The following CDKN2B-AS1 variants were observed in gnomAD, a reference collection of about 807,000 sequenced individuals.
CDKN2B-AS1 encodes CDKN2B antisense RNA 1 (non-protein coding).
intron 4 of CDKN2B-AS1, among the ~76,000 whole-genome samples, chr9:22,066,956 A>G (rs978523968): frequency 6.6e-6 from 1 of 152,146 alleles, no homozygotes; most frequent in Non-Finnish European, 1.5e-5. Flanking sequence ...TGAGCAAACT[A>G]TCGCAAGGAC....
chr9:22,101,001 A>T (rs947107526), intron 4 of CDKN2B-AS1, among the ~76,000 whole-genome samples: 4 of 152,096 alleles, frequency 2.6e-5, no homozygotes, highest in African/African-American at 9.6e-5. Flanking sequence ...TGGGTTGTTT[A>T]CCTCCCTATT....
intron 1 of CDKN2B-AS1, among the ~76,000 whole-genome samples, chr9:22,040,271 G>A (rs1490134838): frequency 6.6e-6 from 1 of 152,010 alleles, no homozygotes; most frequent in Non-Finnish European, 1.5e-5. Flanking sequence ...ATTCTATGGT[G>A]TAGATATTAG....
chr9:22,015,755 A>G (rs1821725086), intron 1 of CDKN2B-AS1, among the ~76,000 whole-genome samples: 1 of 152,216 alleles, frequency 6.6e-6, no homozygotes, highest in Non-Finnish European at 1.5e-5. Flanking sequence ...ATCATCTACC[A>G]TTAGTTTCCT....
At chr9:22,121,152 T>A (rs1434791903) in intron 4 of CDKN2B-AS1, 2 of 152,044 alleles carry the variant, frequency 1.3e-5, no homozygotes, top group East Asian at 1.9e-4. Context: ...TAATCACTAA[T>A]GTTTTAAAGA....
chr9:22,064,527 A>G lies in CDKN2B-AS1; in HGVS notation n.438+8140A>G, dbSNP rs573757058. On this transcript the variant is annotated intron_variant and non_coding_transcript_variant, in intron 4 of 4. Transcript: ENST00000650946. ...AGGGGAGGCAAATTGACTTTCTTTC[A>G]GCATATGAGGATTATAGGAATGGAA... Among the ~76,000 whole-genome samples the G allele has an allele frequency of 9.8e-4, 149 of 152,342 alleles. 3 individuals are homozygous for G. The highest frequency in any genetic ancestry group is 3.6e-3 in the African/African-American group (148 of 41,580).
chr9:22,049,531 C>T (rs1823250948), intron 3 of CDKN2B-AS1, among the ~76,000 whole-genome samples: 1 of 152,186 alleles, frequency 6.6e-6, no homozygotes. Context: ...TCTGCTCTTA[C>T]ACAAGGGGCC....
At chr9:22,066,141 C>G (rs1454999369) in intron 4 of CDKN2B-AS1, 4 of 152,074 alleles carry the variant, frequency 2.6e-5, no homozygotes, top group African/African-American at 9.7e-5. Context: ...TTTTACATGT[C>G]TAGAGTGAGG....
chr9:22,008,899 C>T lies in CDKN2B-AS1; in HGVS notation n.29+13738C>T, dbSNP rs1042713073. ...ACTAGTCCCCGCGCCGCGGCGCTGG[C>T]CAGACCCTCATCGCTGCCGCCCCCA... is the stretch of plus-strand genomic sequence containing the variant. On this transcript the variant is annotated intron_variant and non_coding_transcript_variant, in intron 1 of 4. Transcript: ENST00000650946. The T allele has an allele frequency of 1.9e-6, 3 of 1,612,752 alleles. No homozygotes were observed. In the Admixed American group the frequency reaches 5.0e-5, roughly 27 times the overall value.
chr9:22,108,428 G>A (rs1449171723), intron 4 of CDKN2B-AS1, among the ~76,000 whole-genome samples: 2 of 152,136 alleles, frequency 1.3e-5, no homozygotes, highest in Non-Finnish European at 2.9e-5. Flanking sequence ...GTTCAGGGTG[G>A]TATGGCCATA....
chr9:22,028,947 C>A (rs1822353691), intron 1 of CDKN2B-AS1, among the ~76,000 whole-genome samples: 1 of 152,000 alleles, frequency 6.6e-6, no homozygotes, highest in African/African-American at 2.4e-5. Context: ...TGGTATAATA[C>A]AATTTAGCAT....
chr9:22,033,167 C>T (rs1445976191), intron 1 of CDKN2B-AS1, among the ~76,000 whole-genome samples: 1 of 152,066 alleles, frequency 6.6e-6, no homozygotes, highest in Non-Finnish European at 1.5e-5. Flanking sequence ...CCAGAGCACC[C>T]CCCACCCACC....
intron 4 of CDKN2B-AS1, among the ~76,000 whole-genome samples, chr9:22,089,183 ATAATAGT>A (rs1824973652): frequency 6.6e-6 from 1 of 152,216 alleles, no homozygotes; most frequent in South Asian, 2.1e-4. Flanking sequence ...ATTTCAAAAG[ATAATAGT>A]TAAAAATTCA....
chr9:22,055,613 C>A (rs987381201), intron 3 of CDKN2B-AS1, among the ~76,000 whole-genome samples: 1 of 152,060 alleles, frequency 6.6e-6, no homozygotes, highest in Non-Finnish European at 1.5e-5. Flanking sequence ...CCTTGGTTTT[C>A]TGTGATTGAT....
At chr9:22,072,302 G>A (rs9632884) in intron 4 of CDKN2B-AS1, among the ~76,000 whole-genome samples, 2 of 152,074 alleles carry the variant, frequency 1.3e-5, no homozygotes, top group Admixed American at 6.5e-5. Context: ...TTTGATTCAC[G>A]AAAGTAAGTT....
intron 4 of CDKN2B-AS1, among the ~76,000 whole-genome samples, chr9:22,071,213 C>A (rs1263154004): frequency 1.4e-5 from 2 of 146,496 alleles, no homozygotes; most frequent in East Asian, 2.0e-4. Context: ...GACTTGCCAC[C>A]AAATGGCTGG....
At chr9:22,082,824 A>G (rs930155909) in intron 4 of CDKN2B-AS1, among the ~76,000 whole-genome samples, 5 of 152,152 alleles carry the variant, frequency 3.3e-5, no homozygotes, top group African/African-American at 1.2e-4. Flanking sequence ...ACCAAATTAG[A>G]CTATTTCCAT....
rs962326371 is a variant in CDKN2B-AS1, at chr9:21,995,925, G to A, written n.29+764G>A. The A allele has an allele frequency of 2.0e-5, 3 of 152,624 alleles. No homozygotes were observed. Among genetic ancestry groups the A allele is most frequent in the Non-Finnish European group, 2.9e-5 (2 of 68,376 alleles). 9.5% of individuals were successfully genotyped at this position (152,624 alleles called of 1,614,324 possible). ...GCTGGACCCGCGGCCTGAGTGGGTG[G>A]GTGTGTGCCAGAGGATTCGGGACTA... On this transcript the variant is annotated intron_variant and non_coding_transcript_variant, in intron 1 of 4. Coordinates refer to ENST00000650946, the Ensembl canonical transcript of CDKN2B-AS1. The surrounding 1 kb of genome is among the most constrained non-coding windows in gnomAD (Gnocchi z 5.7).
chr9:22,009,242 G>A, intron 1 of CDKN2B-AS1: 1 of 557,958 alleles, frequency 1.8e-6, no homozygotes, highest in Non-Finnish European at 3.2e-6. Context: ...GCTCAAAGCC[G>A]CTCTGGCCGC....
chr9:22,070,082 A>G (rs1197815678), intron 4 of CDKN2B-AS1, among the ~76,000 whole-genome samples: 1 of 152,206 alleles, frequency 6.6e-6, no homozygotes, highest in Non-Finnish European at 1.5e-5. Context: ...CACAATGGTT[A>G]GAAAGCAAGA....
Sources: allele counts gnomAD v4.1 joint callset (sites outside exome capture counted in the v4.1 genomes callset), GRCh38; gene constraint gnomAD v4.1.1; non-coding constraint Gnocchi (gnomAD v3.1); transcripts MANE v1.5; gene names NCBI Gene and HGNC (gene_info 2026-07-23, HGNC 2026-07-21).